The following DPP10 variants were observed in gnomAD, a reference collection of about 807,000 sequenced individuals.
DPP10 encodes the protein dipeptidyl peptidase like 10.
DPP10 carries 33 observed loss-of-function variants against 120.9 expected under a neutral mutation model. That is an observed-to-expected ratio of 0.27 (90% CI 0.21 to 0.37). DPP10 has a LOEUF of 0.37. Among genes scored for constraint, DPP10 ranks in the 10% least tolerant of loss-of-function variants. DPP10 has a pLI of 1.00. For synonymous variants in DPP10, 337 were observed against 326.1 expected, an observed-to-expected ratio of 1.03 and a Z score of -0.36; for missense variants, 816 against 942.8, an observed-to-expected ratio of 0.87 and a Z score of 1.76.
At chr2:115,556,821 G>A (rs1385645046) in intron 5 of DPP10, among the ~76,000 whole-genome samples, 2 of 152,122 alleles carry the variant, frequency 1.3e-5, no homozygotes, top group African/African-American at 4.8e-5. Flanking sequence ...GCCAAAAACT[G>A]ATAGAAGAGC....
chr2:114,703,812 A>G (rs1235882200), intron 1 of DPP10, among the ~76,000 whole-genome samples: 1 of 152,164 alleles, frequency 6.6e-6, no homozygotes, highest in African/African-American at 2.4e-5. Context: ...TCAATTCTCA[A>G]TCTTCATTAT....
chr2:114,571,088 T>C (rs1352579933), intron 1 of DPP10, among the ~76,000 whole-genome samples: 1 of 151,722 alleles, frequency 6.6e-6, no homozygotes, highest in Non-Finnish European at 1.5e-5. Flanking sequence ...ATAAGAACAG[T>C]TTGGGGTGAT....
At chr2:114,958,057 C>A (rs1490817177) in intron 1 of DPP10, among the ~76,000 whole-genome samples, 1 of 152,144 alleles carries the variant, frequency 6.6e-6, no homozygotes, top group Non-Finnish European at 1.5e-5. Context: ...GCAAGCTGGG[C>A]AGCCCCCAGA....
chr2:115,349,792 T>C (rs1162658873), intron 3 of DPP10, among the ~76,000 whole-genome samples: 1 of 152,124 alleles, frequency 6.6e-6, no homozygotes, highest in Non-Finnish European at 1.5e-5. Context: ...CATACTAGAA[T>C]TATTGTCCAT....
intron 1 of DPP10, among the ~76,000 whole-genome samples, chr2:114,724,174 A>AC (rs1701892172): frequency 6.6e-6 from 1 of 152,184 alleles, no homozygotes; most frequent in African/African-American, 2.4e-5. Context: ...AAAATGTGAC[A>AC]ACAGTCACAT....
intron 5 of DPP10, among the ~76,000 whole-genome samples, chr2:115,644,768 G>A: frequency 6.6e-6 from 1 of 152,126 alleles, no homozygotes; most frequent in Admixed American, 6.6e-5. Context: ...AGGTGACAGA[G>A]TGAGACCTTG....
intron 2 of DPP10, among the ~76,000 whole-genome samples, chr2:115,317,492 G>T (rs978363365): frequency 1.3e-5 from 2 of 152,138 alleles, no homozygotes; most frequent in Admixed American, 6.5e-5. Context: ...CCTAGGAATG[G>T]AATTGCTAGA....
intron 5 of DPP10, among the ~76,000 whole-genome samples, chr2:115,608,521 G>A (rs536992789): frequency 1.2e-4 from 18 of 152,222 alleles, no homozygotes; most frequent in African/African-American, 4.1e-4. Flanking sequence ...GAAAAGATGC[G>A]ACATTGCCAT....
chr2:115,636,982 T>C (rs2086390529), intron 5 of DPP10, among the ~76,000 whole-genome samples: 1 of 152,178 alleles, frequency 6.6e-6, no homozygotes, highest in African/African-American at 2.4e-5. Context: ...TACAATGGAA[T>C]GTAACTTCAG....
chr2:114,513,631 G>T (rs1684353514), intron 1 of DPP10, among the ~76,000 whole-genome samples: 1 of 150,480 alleles, frequency 6.6e-6, no homozygotes, highest in African/African-American at 2.4e-5. Context: ...GAAAAAGAAA[G>T]AAAGAAAGAA....
chr2:115,193,348 C>A (rs911802557), intron 1 of DPP10, among the ~76,000 whole-genome samples: 11 of 152,094 alleles, frequency 7.2e-5, no homozygotes, highest in African/African-American at 2.4e-4. Context: ...TTTTCCAAAG[C>A]AAGCTTCCTT....
intron 5 of DPP10, among the ~76,000 whole-genome samples, chr2:115,641,767 T>C (rs2086800901): frequency 6.7e-6 from 1 of 149,618 alleles, no homozygotes; most frequent in African/African-American, 2.6e-5. Flanking sequence ...TTCAATTATA[T>C]TTGACATTTG....
intron 4 of DPP10, among the ~76,000 whole-genome samples, chr2:115,503,606 T>C (rs2076796640): frequency 6.6e-6 from 1 of 152,164 alleles, no homozygotes. Context: ...GGATGATTTG[T>C]TAATTATTTG....
intron 1 of DPP10, among the ~76,000 whole-genome samples, chr2:115,048,547 A>T (rs182347663): frequency 6.6e-6 from 1 of 152,186 alleles, no homozygotes; most frequent in African/African-American, 2.4e-5. Flanking sequence ...TATTTGGCTC[A>T]TGATAAAGTC....
intron 1 of DPP10, among the ~76,000 whole-genome samples, chr2:114,775,130 T>C (rs1316700246): frequency 6.6e-6 from 1 of 152,140 alleles, no homozygotes; most frequent in Non-Finnish European, 1.5e-5. Context: ...TGGGTAGAGA[T>C]GCAATTAGAA....
At chr2:115,481,415 G>T (rs764154108) in intron 3 of DPP10, among the ~76,000 whole-genome samples, 22 of 152,170 alleles carry the variant, frequency 1.4e-4, no homozygotes, top group Non-Finnish European at 3.2e-4. Flanking sequence ...GTAAGCTTAA[G>T]GAAGCAGTAT....
At chr2:115,463,208 A>G (rs2074099347) in intron 3 of DPP10, among the ~76,000 whole-genome samples, 1 of 152,162 alleles carries the variant, frequency 6.6e-6, no homozygotes, top group Admixed American at 6.6e-5. Flanking sequence ...CTATACATGC[A>G]TTACTTTGTA....
At chr2:114,610,831 A>G (rs1693224559) in intron 1 of DPP10, among the ~76,000 whole-genome samples, 1 of 152,090 alleles carries the variant, frequency 6.6e-6, no homozygotes, top group African/African-American at 2.4e-5. Flanking sequence ...CCAGCAGCTC[A>G]GTCTGCATCT....
intron 1 of DPP10, among the ~76,000 whole-genome samples, chr2:114,581,805 T>G (rs921743898): frequency 6.6e-6 from 1 of 152,186 alleles, no homozygotes; most frequent in Non-Finnish European, 1.5e-5. Flanking sequence ...TTAGACAAGT[T>G]TTTAGAGCAG....
Sources: allele counts gnomAD v4.1 joint callset (sites outside exome capture counted in the v4.1 genomes callset), GRCh38; gene constraint gnomAD v4.1.1; transcripts MANE v1.5; gene names NCBI Gene and HGNC (gene_info 2026-07-23, HGNC 2026-07-21).